The following REG1B variants were observed in gnomAD, a reference collection of about 807,000 sequenced individuals.
The protein encoded by REG1B is regenerating family member 1 beta.
A neutral mutation model predicts 20.4 loss-of-function variants in REG1B; 21 were observed. The observed-to-expected ratio is 1.03, with a 90% CI of 0.73 to 1.48. The LOEUF (loss-of-function observed/expected upper bound fraction) is 1.48. Among genes scored for constraint, REG1B ranks in the 40% most tolerant of loss-of-function variants. The pLI, the probability that REG1B is intolerant of heterozygous loss-of-function variation, is 0.00. For synonymous variants in REG1B, 82 were observed against 73.4 expected, an observed-to-expected ratio of 1.12 and a Z score of -0.60; for missense variants, 247 against 197.2, an observed-to-expected ratio of 1.25 and a Z score of -1.51.
chr2:79,087,345 A>G (rs181138743), intron 2 of REG1B: 19 of 609,108 alleles, frequency 3.1e-5, no homozygotes, highest in Non-Finnish European at 5.0e-5. Flanking sequence ...ATGGTCACCT[A>G]TAAGTGGTCC....
chr2:79,086,616 T>A (rs1181094989), intron 3 of REG1B, 112 bp from the exon 4 acceptor site: 3 of 1,425,364 alleles, frequency 2.1e-6, no homozygotes, highest in Non-Finnish European at 2.9e-6. Context: ...TCCCTGATGA[T>A]GCTGTCACTG....
At chr2:79,087,788 C>A in intron 1 of REG1B, 130 bp from the exon 2 acceptor site, 1 of 557,736 alleles carries the variant, frequency 1.8e-6, no homozygotes, top group East Asian at 3.1e-5. Context: ...CCAGATATTT[C>A]TCTTTTGGTT....
intron 3 of REG1B, 119 bp from the exon 4 acceptor site, chr2:79,086,623 A>C: frequency 2.2e-6 from 3 of 1,381,252 alleles, no homozygotes; most frequent in Non-Finnish European, 3.1e-6. Context: ...TGATGCTGTC[A>C]CTGACCACCA....
chr2:79,085,620 C>G lies in REG1B; in HGVS notation c.322-17G>C. ...GCGGCGGTTCTAGATGGAGAAGGGC[C>G]AGAACAGGGGCCATGGTCACTCAAA... On this transcript the variant is annotated splice_polypyrimidine_tract_variant and intron_variant, in intron 4 of 5. Coordinates refer to ENST00000305089, the MANE Select transcript of REG1B (RefSeq NM_006507.4). 3 of 1,549,620 alleles carry G rather than the reference C, an allele frequency of 1.9e-6. No individual in the cohort carries two copies. The highest frequency in any genetic ancestry group is 2.7e-6 in the Non-Finnish European group (3 of 1,124,702).
chr2:79,086,842 A>C lies in REG1B; in HGVS notation c.153T>G (p.Asn51Lys). The C allele has an allele frequency of 1.9e-6, 3 of 1,614,040 alleles. No individual in the cohort carries two copies. The highest frequency in any genetic ancestry group is 2.5e-6 in the Non-Finnish European group (3 of 1,179,972). ...NAYRSYCYYFNEDPETWVDAD... is the reference protein window; with the variant it reads ...NAYRSYCYYFKEDPETWVDAD... ...CATCAACCCAGGTCTCAGGGTCTTCATTAAAGTAGTAGCAGTAGGAGCGAT... is the reference window on the plus strand; with the variant it reads ...CATCAACCCAGGTCTCAGGGTCTTCCTTAAAGTAGTAGCAGTAGGAGCGAT... The change falls in exon 3 of 6, where the codon AAT becomes AAG. Residue 51 changes from asparagine (N) to lysine (K), a missense_variant. Physicochemically the swap from Asn to Lys is moderately conservative, Grantham distance 94. Coordinates refer to ENST00000305089, the MANE Select transcript of REG1B (RefSeq NM_006507.4).
At chr2:79,086,605 G>A (rs920700128) in intron 3 of REG1B, 101 bp from the exon 4 acceptor site, 3 of 1,481,760 alleles carry the variant, frequency 2.0e-6, no homozygotes, top group Admixed American at 1.7e-5. Context: ...GCACAGAAAT[G>A]TCCCTGATGA....
chr2:79,085,772 C>T, intron 4 of REG1B, 169 bp from the exon 5 acceptor site: 1 of 470,306 alleles, frequency 2.1e-6, no homozygotes. Context: ...GCTTCTCCTT[C>T]TCTAGAATGT....
intron 5 of REG1B, 65 bp downstream of exon 5, chr2:79,085,427 A>G: frequency 1.4e-6 from 2 of 1,411,664 alleles, no homozygotes; most frequent in South Asian, 1.2e-5. Context: ...CCCAGTCCCC[A>G]TGTTCATCCC....
At chr2:79,086,277 T>A (rs1672397276) in intron 4 of REG1B, 90 bp downstream of exon 4, 1 of 1,368,866 alleles carries the variant, frequency 7.3e-7, no homozygotes, top group South Asian at 1.3e-5. Context: ...AACAAAAAGA[T>A]AAAAGTTGGT....
intron 4 of REG1B, 143 bp from the exon 5 acceptor site, chr2:79,085,746 T>C (rs1486281322): frequency 3.8e-6 from 2 of 527,712 alleles, no homozygotes; most frequent in Non-Finnish European, 6.7e-6. Context: ...TATCATTTCC[T>C]CTGCTTTTGC....
intron 2 of REG1B, 144 bp downstream of exon 2, chr2:79,087,404 TG>T: frequency 1.3e-6 from 1 of 757,048 alleles, no homozygotes; most frequent in Non-Finnish European, 2.2e-6. Context: ...TGTTTTTGAA[TG>T]GGATAAAATC....
chr2:79,085,929 T>C (rs1255162339), intron 4 of REG1B: 1 of 266,846 alleles, frequency 3.7e-6, no homozygotes, highest in Non-Finnish European at 7.2e-6. Flanking sequence ...TGTAGAGTAG[T>C]CGTTGATATA....
In REG1B at chr2:79,086,511, G is replaced by GA. The variant is rs761494138; in HGVS notation, c.184-8dup. 8.4e-5 allele frequency: 135 copies of GA among 1,613,218 alleles called. 4 individuals are homozygous for GA. The South Asian group carries it at 1.4e-3, about 16-fold the overall frequency. On this transcript the variant is annotated splice_polypyrimidine_tract_variant and splice_region_variant and intron_variant, in intron 3 of 5. Transcript: ENST00000305089. ...TCATGTTCTGGCAATAGAGCTGTTG[G>GA]AGAAGAAAATGGAGCACTCAGTGGA...
At chr2:79,085,431 T>TCATCC in intron 5 of REG1B, 61 bp downstream of exon 5, 1 of 1,426,704 alleles carries the variant, frequency 7.0e-7, no homozygotes, top group African/African-American at 1.4e-5. Context: ...GTCCCCATGT[T>TCATCC]CATCCCCAGA....
At chr2:79,085,737 A>ATCATTTCC in intron 4 of REG1B, 134 bp from the exon 5 acceptor site, 1 of 553,900 alleles carries the variant, frequency 1.8e-6, no homozygotes, top group South Asian at 2.4e-5. Context: ...TGAATATCAT[A>ATCATTTCC]TCATTTCCTC....
chr2:79,086,674 T>C (rs1672404591), intron 3 of REG1B, 138 bp downstream of exon 3: 3 of 1,314,762 alleles, frequency 2.3e-6, no homozygotes, highest in East Asian at 2.3e-5. Context: ...TGGGATAAAG[T>C]AGATTGGGAA....
At chr2:79,086,998 T>A in intron 2 of REG1B, 68 bp from the exon 3 acceptor site, 1 of 1,282,242 alleles carries the variant, frequency 7.8e-7, no homozygotes, top group Non-Finnish European at 1.1e-6. Flanking sequence ...GAAGGTGAAT[T>A]AGGGGCTTCT....
Position 79,085,280 on chromosome 2 carries a change from A to C in REG1B, c.437T>G (p.Phe146Cys). 3 of 1,610,078 alleles carry C rather than the reference A, an allele frequency of 1.9e-6. No individual in the cohort carries two copies. The highest frequency in any genetic ancestry group is 2.6e-6 in the Non-Finnish European group (3 of 1,176,376). ...ACAAGATTCATCCTTCCATTTCTTG[A>C]ATCCTATGGTACAATGAGAAGTGTC... ...YCASLTSCSG[F>C]KKWKDESCEK... is the part of the protein sequence containing the mutation. The change falls in exon 6 of 6, where the codon TTC (phenylalanine) becomes TGC (cysteine). Residue 146 changes from phenylalanine (F) to cysteine (C), a missense_variant. By Grantham distance (205) the Phe-to-Cys change is radical. Coordinates refer to ENST00000305089, the MANE Select transcript of REG1B (RefSeq NM_006507.4).
chr2:79,085,410 C>T (rs1317520341), intron 5 of REG1B, 82 bp downstream of exon 5: 12 of 1,382,074 alleles, frequency 8.7e-6, no homozygotes, highest in Non-Finnish European at 1.2e-5. Flanking sequence ...GCTTACCTTT[C>T]CTCTATCCCA....
Sources: allele counts gnomAD v4.1 joint callset, GRCh38; gene constraint gnomAD v4.1.1; transcripts MANE v1.5; gene names NCBI Gene and HGNC (gene_info 2026-07-23, HGNC 2026-07-21).